The following SCRG1 variants were observed in gnomAD, a reference collection of about 807,000 sequenced individuals.
SCRG1 encodes scrapie-responsive protein 1.
A neutral mutation model predicts 7.7 loss-of-function variants in SCRG1; 3 were observed. That is an observed-to-expected ratio of 0.39 (90% CI 0.18 to 1.01). The LOEUF is 1.01. Ranked by LOEUF, SCRG1 falls within the 50% of genes least tolerant of loss-of-function variation. The pLI, the probability that SCRG1 is intolerant of heterozygous loss-of-function variation, is 0.36. For missense variants in SCRG1, 110 were observed against 117.2 expected (o/e 0.94, Z 0.28); for synonymous variants, 46 against 41.2 (o/e 1.12, Z -0.44).
At chr4:173,500,016 C>G in the SCRG1 span, among the ~76,000 whole-genome samples, 1 of 152,182 alleles carries the variant, frequency 6.6e-6, no homozygotes, top group East Asian at 1.9e-4. Context: ...GGACCTGGCT[C>G]TAAGTGTTTA....
At chr4:173,391,526 A>G (rs1457758951) in intron 1 of SCRG1, 98 bp from the exon 2 acceptor site, 5 of 1,238,190 alleles carry the variant, frequency 4.0e-6, no homozygotes, top group Non-Finnish European at 5.7e-6. Flanking sequence ...ACCCTTGGAT[A>G]GAAAGAATGG....
chr4:173,483,901 T>A, the SCRG1 span, among the ~76,000 whole-genome samples: 1 of 76,288 alleles, frequency 1.3e-5, no homozygotes, highest in East Asian at 4.7e-4. Context: ...ATGTTATATA[T>A]ATTTCATATA....
the SCRG1 span, chr4:173,469,951 C>G: frequency 6.6e-6 from 1 of 151,862 alleles, no homozygotes. Context: ...TTTCTCTCTC[C>G]AGTAAATGAA....
chr4:173,485,082 AATATATTATATATT>A, the SCRG1 span, among the ~76,000 whole-genome samples: 1 of 8,788 alleles, frequency 1.1e-4, no homozygotes, highest in African/African-American at 3.2e-4. Context: ...TATATTATAT[AATATATTATATATT>A]ATATATTATA....
chr4:173,436,481 C>T, the SCRG1 span, among the ~76,000 whole-genome samples: 1 of 152,168 alleles, frequency 6.6e-6, no homozygotes, highest in African/African-American at 2.4e-5. Context: ...TCACTGTAGC[C>T]TTTTACCTCC....
the SCRG1 span, among the ~76,000 whole-genome samples, chr4:173,465,033 G>C: frequency 6.6e-6 from 1 of 152,150 alleles, no homozygotes; most frequent in Non-Finnish European, 1.5e-5. Context: ...CAAGTACCTA[G>C]TATAGTCAAA....
intron 1 of SCRG1, among the ~76,000 whole-genome samples, 181 bp from the exon 2 acceptor site, chr4:173,391,609 A>G (rs1285290901): frequency 6.6e-6 from 1 of 152,206 alleles, no homozygotes. Context: ...ATAAAAAACC[A>G]TTTGGAATAT....
At chr4:173,422,578 A>G in the SCRG1 span, among the ~76,000 whole-genome samples, 5 of 152,202 alleles carry the variant, frequency 3.3e-5, no homozygotes, top group Non-Finnish European at 7.3e-5. Context: ...TAGCGGACAC[A>G]TCTTTAGATG....
the SCRG1 span, among the ~76,000 whole-genome samples, chr4:173,514,058 G>C: frequency 1.3e-5 from 2 of 152,186 alleles, no homozygotes; most frequent in African/African-American, 4.8e-5. Flanking sequence ...ACCTACTGAA[G>C]ATATGGGATT....
At chr4:173,465,617 G>A in the SCRG1 span, among the ~76,000 whole-genome samples, 1 of 150,214 alleles carries the variant, frequency 6.7e-6, no homozygotes, top group Non-Finnish European at 1.5e-5. Flanking sequence ...TTTTTATTGA[G>A]GTAATTATAT....
At chr4:173,498,138 C>T in the SCRG1 span, among the ~76,000 whole-genome samples, 2 of 152,166 alleles carry the variant, frequency 1.3e-5, no homozygotes. Flanking sequence ...GTTAAGTTTG[C>T]CTAGAGATTT....
the SCRG1 span, among the ~76,000 whole-genome samples, chr4:173,439,291 C>A: frequency 1.3e-5 from 2 of 152,082 alleles, no homozygotes; most frequent in Non-Finnish European, 2.9e-5. Flanking sequence ...CTTTGGGATG[C>A]CGCTGTGGAA....
At chr4:173,477,079 G>A in the SCRG1 span, among the ~76,000 whole-genome samples, 2 of 152,160 alleles carry the variant, frequency 1.3e-5, no homozygotes, top group Non-Finnish European at 2.9e-5. Flanking sequence ...TGGCAGCACT[G>A]CATGTAAGAG....
At chr4:173,440,743 A>T in the SCRG1 span, among the ~76,000 whole-genome samples, 1 of 152,200 alleles carries the variant, frequency 6.6e-6, no homozygotes. Context: ...TCAAGGTGTC[A>T]ACAGGGCCAC....
At chr4:173,483,444 T>C in the SCRG1 span, among the ~76,000 whole-genome samples, 1 of 57,602 alleles carries the variant, frequency 1.7e-5, no homozygotes, top group African/African-American at 6.7e-5. Flanking sequence ...ATATTATATA[T>C]TATATCATGA....
the SCRG1 span, among the ~76,000 whole-genome samples, chr4:173,445,309 G>A: frequency 2.6e-5 from 4 of 152,072 alleles, no homozygotes; most frequent in Admixed American, 6.5e-5. Context: ...AAGGCCGGGC[G>A]CGATGGCTCA....
chr4:173,507,076 C>G, the SCRG1 span, among the ~76,000 whole-genome samples: 2 of 152,250 alleles, frequency 1.3e-5, no homozygotes, highest in East Asian at 3.8e-4. The surrounding 1 kb of genome is among the most constrained non-coding windows in gnomAD (Gnocchi z 4.4). Flanking sequence ...CCCTCTGCAG[C>G]CTAGTGCCCA....
the SCRG1 span, among the ~76,000 whole-genome samples, chr4:173,471,773 G>A: frequency 6.6e-6 from 1 of 152,140 alleles, no homozygotes; most frequent in African/African-American, 2.4e-5. Flanking sequence ...GCAATGGCGC[G>A]ATCTCAGCTC....
the SCRG1 span, among the ~76,000 whole-genome samples, chr4:173,437,054 T>C: frequency 6.6e-6 from 1 of 152,230 alleles, no homozygotes; most frequent in Non-Finnish European, 1.5e-5. Flanking sequence ...GCAATTCTTC[T>C]CTGCGGAATC....
Sources: allele counts gnomAD v4.1 joint callset (sites outside exome capture counted in the v4.1 genomes callset), GRCh38; gene constraint gnomAD v4.1.1; non-coding constraint Gnocchi (gnomAD v3.1); transcripts MANE v1.5; gene names NCBI Gene and HGNC (gene_info 2026-07-23, HGNC 2026-07-21).